Variants in ZDHHC6 observed in about 807,000 individuals in gnomAD.
ZDHHC6 encodes palmitoyltransferase ZDHHC6.
ZDHHC6 carries 32 observed loss-of-function variants against 57.8 expected under a neutral mutation model. The ratio of observed to expected loss-of-function variants is 0.55; its 90% CI spans 0.42 to 0.74. The LOEUF is 0.74. Among genes scored for constraint, ZDHHC6 ranks in the 30% least tolerant of loss-of-function variants. The pLI, the probability that ZDHHC6 is intolerant of heterozygous loss-of-function variation, is 0.00. For synonymous variants in ZDHHC6, 128 were observed against 158.0 expected, an observed-to-expected ratio of 0.81 and a Z score of 1.42; for missense variants, 433 against 500.7, an observed-to-expected ratio of 0.86 and a Z score of 1.29.
chr10:112,440,634 G>A lies in ZDHHC6; in HGVS notation c.581C>T (p.Pro194Leu), dbSNP rs750231051. ...TGCAGCTAATCCAAATGGAACAATT[G>A]GAAGAGGATCTCTCCGGGCTGCACT... ...DMSAARRDPLPIVPFGLAAFA... is the reference protein window; with the variant it reads ...DMSAARRDPLLIVPFGLAAFA... Residue 194 changes from proline to leucine, a missense_variant, in exon 5 of 11, where the codon CCA becomes CTA. Physicochemically the swap from Pro to Leu is moderately conservative, Grantham distance 98 (BLOSUM62 -3). Coordinates refer to ENST00000369405, the MANE Select transcript of ZDHHC6 (RefSeq NM_022494.3). 12 of 1,614,050 alleles carry A rather than the reference G, an allele frequency of 7.4e-6. No homozygotes were observed. Among genetic ancestry groups the A allele is most frequent in the Non-Finnish European group, 1.0e-5 (12 of 1,179,958 alleles).
downstream of ZDHHC6, among the ~76,000 whole-genome samples, chr10:112,429,540 C>A (rs937928672): frequency 1.3e-5 from 2 of 152,136 alleles, no homozygotes; most frequent in Non-Finnish European, 2.9e-5. Context: ...ACAGGCCTGG[C>A]CCCCAAAGCT....
intron 4 of ZDHHC6, among the ~76,000 whole-genome samples, chr10:112,440,996 C>T (rs753992684): frequency 3.9e-5 from 6 of 152,148 alleles, no homozygotes; most frequent in Non-Finnish European, 7.3e-5. Context: ...CAGGCATGTG[C>T]CATCACACCC....
chr10:112,425,460 T>A (rs770193636), downstream of ZDHHC6: 2 of 1,613,078 alleles, frequency 1.2e-6, no homozygotes, highest in East Asian at 4.5e-5. Context: ...TACAAATTTT[T>A]GTACACGGGG....
Position 112,442,278 on chromosome 10 carries a change from T to C in ZDHHC6, c.433A>G (p.Thr145Ala). Residue 145 changes from threonine (T) to alanine (A), a missense_variant, in exon 4 of 11, where the codon ACA becomes GCA. Physicochemically the swap from Thr to Ala is moderately conservative, Grantham distance 58 (BLOSUM62 0). Coordinates refer to ENST00000369405, the MANE Select transcript of ZDHHC6 (RefSeq NM_022494.3). The stretch of plus-strand genomic sequence containing the variant: ...AGTGGTGCTAAAAGGAGAAACAGTG[T>C]GAACGAAGCATGATTTTGGTAACCA... ...CCGYQNHASF[T>A]LFLLLAPLGC... 6.2e-7 allele frequency: 1 copy of C among 1,614,030 alleles called. No individual in the cohort carries two copies. Among genetic ancestry groups the C allele is most frequent in the Non-Finnish European group, 8.5e-7 (1 of 1,179,962 alleles).
chr10:112,445,251 T>C lies in ZDHHC6; in HGVS notation c.186A>G (p.Ile62Met). The change falls in exon 2 of 11, where the codon ATA becomes ATG. Residue 62 changes from isoleucine to methionine, a missense_variant. By Grantham distance (10) the Ile-to-Met change is conservative (BLOSUM62 1). Coordinates refer to ENST00000369405, the MANE Select transcript of ZDHHC6 (RefSeq NM_022494.3). The part of the protein sequence containing the change: ...TGGSVNFIML[I>M]NWTVMILYNY... ...TATAAAGAATCATGACAGTCCAATT[T>C]ATCAACATGATGAAATTCACACTTC... The C allele has an allele frequency of 1.2e-6, 2 of 1,614,194 alleles. No homozygotes were observed. The highest frequency in any genetic ancestry group is 1.7e-6 in the Non-Finnish European group (2 of 1,180,018).
At chr10:112,433,742 T>A (rs1845259593) in intron 7 of ZDHHC6, among the ~76,000 whole-genome samples, 1 of 152,152 alleles carries the variant, frequency 6.6e-6, no homozygotes. Flanking sequence ...ATATTAGATA[T>A]AATAGGAGAA....
downstream of ZDHHC6, chr10:112,426,306 T>A: frequency 6.2e-7 from 1 of 1,614,142 alleles, no homozygotes; most frequent in Non-Finnish European, 8.5e-7. Flanking sequence ...ACTTCCCTCA[T>A]TTGCAGCCAA....
intron 6 of ZDHHC6, among the ~76,000 whole-genome samples, chr10:112,436,775 G>A (rs1404731611): frequency 6.6e-6 from 1 of 152,222 alleles, no homozygotes; most frequent in Non-Finnish European, 1.5e-5. Flanking sequence ...ATGTAAGAAT[G>A]TCCTTGATGA....
chr10:112,427,327 T>C (rs752811630), downstream of ZDHHC6: 11 of 1,613,592 alleles, frequency 6.8e-6, no homozygotes, highest in African/African-American at 6.7e-5. Context: ...CGGACCCAAA[T>C]TGACAGCCTG....
chr10:112,426,783 C>T (rs762277991), downstream of ZDHHC6: 9 of 1,613,446 alleles, frequency 5.6e-6, no homozygotes, highest in South Asian at 2.2e-5. Flanking sequence ...GTTTTGTATT[C>T]TTAGGTTGTA....
downstream of ZDHHC6, among the ~76,000 whole-genome samples, chr10:112,430,092 AC>A (rs1350129184): frequency 6.6e-6 from 1 of 151,834 alleles, no homozygotes; most frequent in African/African-American, 2.4e-5. Flanking sequence ...CCCCCTCAAC[AC>A]CCCTCAGGCC....
intron 10 of ZDHHC6, among the ~76,000 whole-genome samples, chr10:112,431,475 G>C (rs568782828): frequency 3.3e-5 from 5 of 151,768 alleles, no homozygotes; most frequent in African/African-American, 4.8e-5. Flanking sequence ...CACCATGCCC[G>C]GCTAATTTTT....
At chr10:112,436,933 A>G (rs1468157501) in intron 6 of ZDHHC6, among the ~76,000 whole-genome samples, 1 of 152,234 alleles carries the variant, frequency 6.6e-6, no homozygotes, top group African/African-American at 2.4e-5. Flanking sequence ...TTAAGCTGTA[A>G]GCTAACAAAA....
chr10:112,445,242 A>C lies in ZDHHC6; in HGVS notation c.195T>G (p.Thr65=), dbSNP rs747202514. 1.2e-6 allele frequency: 2 copies of C among 1,614,236 alleles called. No individual in the cohort carries two copies. The highest frequency in any genetic ancestry group is 4.5e-5 in the East Asian group (2 of 44,886). ...SVNFIMLINW[T]VMILYNYFNA... is the part of the protein sequence containing the mutation. ...TGAAGTAATTATAAAGAATCATGAC[A>C]GTCCAATTTATCAACATGATGAAAT... Residue 65 remains threonine, a synonymous_variant, in exon 2 of 11, where the codon ACT becomes ACG. Coordinates refer to ENST00000369405, the MANE Select transcript of ZDHHC6 (RefSeq NM_022494.3).
chr10:112,435,497 T>C (rs1346066660), intron 6 of ZDHHC6, among the ~76,000 whole-genome samples: 1 of 152,176 alleles, frequency 6.6e-6, no homozygotes, highest in East Asian at 1.9e-4. Context: ...AACAAAAAAA[T>C]GTTAATCTAA....
intron 3 of ZDHHC6, 41 bp from the exon 4 acceptor site, chr10:112,442,392 C>A (rs1206219429): frequency 1.3e-6 from 2 of 1,578,458 alleles, no homozygotes; most frequent in African/African-American, 1.4e-5. Context: ...GCAGAAAATC[C>A]TGTCTACTTT....
chr10:112,434,262 C>A, intron 7 of ZDHHC6, 35 bp downstream of exon 7: 1 of 1,503,678 alleles, frequency 6.7e-7, no homozygotes, highest in Admixed American at 2.2e-5. Flanking sequence ...GAAGGCGAGG[C>A]AAAAAGGAAG....
intron 10 of ZDHHC6, among the ~76,000 whole-genome samples, chr10:112,431,488 A>AT (rs1231306204): frequency 2.0e-5 from 3 of 151,776 alleles, no homozygotes; most frequent in African/African-American, 7.3e-5. Context: ...TAATTTTTGT[A>AT]TTTTTAGTAG....
In ZDHHC6 at chr10:112,445,316, C is replaced by A. The variant is rs34350728; in HGVS notation, c.121G>T (p.Asp41Tyr). 6.2e-7 allele frequency: 1 copy of A among 1,614,088 alleles called. No individual in the cohort carries two copies. The highest frequency in any genetic ancestry group is 2.2e-5 in the East Asian group (1 of 44,890). Residue 41 changes from aspartate to tyrosine, a missense_variant, in exon 2 of 11, where the codon GAC (aspartate) becomes TAC (tyrosine). Transcript: ENST00000369405. ...AAGGGCCAATACCACAACACAGAGTCAATCATGGCCATGGTAGAACATATT... is the reference window on the plus strand; with the variant it reads ...AAGGGCCAATACCACAACACAGAGTAAATCATGGCCATGGTAGAACATATT... ...IAICSTMAMI[D>Y]SVLWYWPLHT...
Sources: allele counts gnomAD v4.1 joint callset (sites outside exome capture counted in the v4.1 genomes callset), GRCh38; gene constraint gnomAD v4.1.1; transcripts MANE v1.5; gene names NCBI Gene and HGNC (gene_info 2026-07-23, HGNC 2026-07-21).